Variants in RSPH14 observed in about 807,000 individuals in gnomAD.
The protein encoded by RSPH14 is radial spoke head 14 homolog.
In RSPH14, 20 loss-of-function variants were observed where a neutral mutation model predicts 26.7. The observed-to-expected ratio is 0.75, with a 90% confidence interval of 0.53 to 1.09. The LOEUF (loss-of-function observed/expected upper bound fraction) is 1.09, where lower values mean the gene tolerates loss of function less well. Among genes scored for constraint, RSPH14 ranks in the 50% least tolerant of loss-of-function variants. RSPH14 has a pLI of 0.00. For synonymous variants in RSPH14, 177 were observed against 189.3 expected (o/e 0.93, Z 0.53); for missense variants, 449 against 457.2 (o/e 0.98, Z 0.16).
intron 4 of RSPH14, among the ~76,000 whole-genome samples, chr22:23,110,801 G>A (rs577977461): frequency 6.6e-6 from 1 of 152,340 alleles, no homozygotes; most frequent in South Asian, 2.1e-4. Flanking sequence ...GGAGGCAGCT[G>A]TTGTCATTGA....
chr22:23,133,365 G>A (rs1011921510), intron 4 of RSPH14, among the ~76,000 whole-genome samples: 2 of 152,156 alleles, frequency 1.3e-5, no homozygotes, highest in Admixed American at 1.3e-4. Context: ...CAAGCTGGAT[G>A]TTTCCATTTA....
At chr22:23,178,125 G>A in the RSPH14 span, among the ~76,000 whole-genome samples, 7 of 152,048 alleles carry the variant, frequency 4.6e-5, no homozygotes, top group Non-Finnish European at 8.8e-5. Flanking sequence ...TTAAAGAAGA[G>A]GCCATTGAGG....
chr22:23,124,058 A>G (rs563653996), intron 4 of RSPH14: 1 of 228,062 alleles, frequency 4.4e-6, no homozygotes, highest in Admixed American at 5.5e-5. Context: ...AAACAGCTTC[A>G]AAATATGCAG....
intron 4 of RSPH14, among the ~76,000 whole-genome samples, chr22:23,114,710 A>AT (rs1431094132): frequency 6.6e-6 from 1 of 152,048 alleles, no homozygotes; most frequent in Non-Finnish European, 1.5e-5. Flanking sequence ...GTGTGTGGTT[A>AT]TTTTTTTGGA....
chr22:23,141,583 T>A (rs2070602304), intron 1 of RSPH14, among the ~76,000 whole-genome samples: 1 of 152,202 alleles, frequency 6.6e-6, no homozygotes, highest in African/African-American at 2.4e-5. Context: ...GGGCTTCAGC[T>A]ATGTTGGCTG....
the RSPH14 span, among the ~76,000 whole-genome samples, chr22:23,176,721 G>A: frequency 6.6e-6 from 1 of 151,948 alleles, no homozygotes; most frequent in African/African-American, 2.4e-5. Flanking sequence ...CCCTATTCTG[G>A]GTCACCAATG....
intron 4 of RSPH14, among the ~76,000 whole-genome samples, chr22:23,082,712 T>C (rs372848343): frequency 2.0e-5 from 3 of 151,992 alleles, no homozygotes; most frequent in African/African-American, 7.3e-5. Flanking sequence ...AGGACTAGGA[T>C]TCACAAGGCC....
chr22:23,130,489 GGAAAGAAAAAGAAA>G (rs1313312670), intron 4 of RSPH14, among the ~76,000 whole-genome samples: 36 of 3,758 alleles, frequency 9.6e-3, no homozygotes, highest in African/African-American at 0.025. Flanking sequence ...AAAGAAAGAA[GGAAAGAAAAAGAAA>G]GAAAGAAAGA....
At chr22:23,165,003 C>A in the RSPH14 span, among the ~76,000 whole-genome samples, 4 of 151,590 alleles carry the variant, frequency 2.6e-5, no homozygotes, top group Admixed American at 6.6e-5. Context: ...GACACCCCTA[C>A]TCCCAGAGAG....
chr22:23,175,215 G>A, the RSPH14 span, among the ~76,000 whole-genome samples: 27 of 152,188 alleles, frequency 1.8e-4, no homozygotes, highest in East Asian at 5.1e-3. Context: ...AGCCAGAATG[G>A]TCTCGATATC....
chr22:23,139,065 T>C lies in RSPH14; in HGVS notation c.200-123A>G. ...AGGAATGTACCAGAGTTTCTGCTGC[T>C]TTGGGGCACTGGGGAATCATGTTGG... On this transcript the variant is annotated intron_variant, in intron 2 of 6. Coordinates refer to ENST00000216036, the MANE Select transcript of RSPH14 (RefSeq NM_014433.3). 2 of 685,480 alleles carry C rather than the reference T, an allele frequency of 2.9e-6. 1 individual carries two copies. Among genetic ancestry groups the C allele is most frequent in the South Asian group, 3.7e-5 (2 of 53,444 alleles). 42.5% of individuals were successfully genotyped at this position (685,480 alleles called of 1,614,324 possible).
intron 4 of RSPH14, among the ~76,000 whole-genome samples, chr22:23,116,746 A>G (rs1432069703): frequency 6.6e-6 from 1 of 152,140 alleles, no homozygotes; most frequent in African/African-American, 2.4e-5. Context: ...GCTGCCTTGG[A>G]TGTCATTAGC....
upstream of RSPH14, chr22:23,141,991 G>A: frequency 1.0e-6 from 1 of 985,542 alleles, no homozygotes; most frequent in Non-Finnish European, 1.2e-6. Context: ...CCGCGCCACT[G>A]GCCAACCTAT....
At chr22:23,157,375 C>T in the RSPH14 span, among the ~76,000 whole-genome samples, 168 of 152,168 alleles carry the variant, frequency 1.1e-3, no homozygotes, top group African/African-American at 3.8e-3. Flanking sequence ...CTCAGCCTCC[C>T]GAGTAGCTGG....
chr22:23,085,596 G>A (rs2068795338), intron 4 of RSPH14, among the ~76,000 whole-genome samples: 1 of 152,180 alleles, frequency 6.6e-6, no homozygotes, highest in Non-Finnish European at 1.5e-5. Context: ...TGAGATAAGA[G>A]ATGGGCTCCA....
chr22:23,126,004 A>G (rs981751752), intron 4 of RSPH14, among the ~76,000 whole-genome samples: 3 of 152,210 alleles, frequency 2.0e-5, no homozygotes, highest in African/African-American at 4.8e-5. Flanking sequence ...TCCTAAGCCC[A>G]CGCAGGGACT....
chr22:23,159,309 C>G, the RSPH14 span: 1 of 1,464,496 alleles, frequency 6.8e-7, no homozygotes, highest in Non-Finnish European at 9.3e-7. Context: ...TTGGGCCAGT[C>G]CTGTGGGGCC....
the RSPH14 span, chr22:23,158,940 C>T: frequency 6.2e-7 from 1 of 1,614,214 alleles, no homozygotes; most frequent in South Asian, 1.1e-5. Context: ...AGGCAGGCTC[C>T]TGCTTCATCT....
chr22:23,140,528 C>A, intron 1 of RSPH14, 56 bp from the exon 2 acceptor site: 1 of 1,491,142 alleles, frequency 6.7e-7, no homozygotes, highest in Non-Finnish European at 8.9e-7. Context: ...AGCTACTTCT[C>A]ATCTGATCCT....
Sources: allele counts gnomAD v4.1 joint callset (sites outside exome capture counted in the v4.1 genomes callset), GRCh38; gene constraint gnomAD v4.1.1; transcripts MANE v1.5; gene names NCBI Gene and HGNC (gene_info 2026-07-23, HGNC 2026-07-21).